SMIM36: variants seen among roughly 807,000 people sequenced by gnomAD.
SMIM36 encodes the protein small integral membrane protein 36.
intron 3 of SMIM36, among the ~76,000 whole-genome samples, chr17:55,469,595 T>C (rs1325174089): frequency 6.6e-6 from 1 of 152,150 alleles, no homozygotes; most frequent in Non-Finnish European, 1.5e-5. Flanking sequence ...TGTACAATAA[T>C]AGAGAAGAGA....
At chr17:55,471,139 C>T (rs868818445) in intron 3 of SMIM36, among the ~76,000 whole-genome samples, 4 of 152,220 alleles carry the variant, frequency 2.6e-5, no homozygotes, top group South Asian at 2.1e-4. Context: ...AGCCTCTTTT[C>T]GCCTTTACTT....
intron 1 of SMIM36, among the ~76,000 whole-genome samples, chr17:55,505,807 G>T (rs1322689452): frequency 1.7e-5 from 2 of 121,040 alleles, no homozygotes; most frequent in Admixed American, 8.2e-5. Flanking sequence ...CAGATGACAT[G>T]ATTGTATATC....
At chr17:55,496,819 A>C (rs1909815857) in intron 1 of SMIM36, among the ~76,000 whole-genome samples, 1 of 152,176 alleles carries the variant, frequency 6.6e-6, no homozygotes, top group Non-Finnish European at 1.5e-5. Flanking sequence ...GGGCAGCTAT[A>C]AAGTTATAGT....
At chr17:55,467,691 C>G (rs762427971) in intron 3 of SMIM36, among the ~76,000 whole-genome samples, 1 of 152,168 alleles carries the variant, frequency 6.6e-6, no homozygotes, top group Non-Finnish European at 1.5e-5. Context: ...CCACCGCACT[C>G]GGCCAACCAT....
intron 4 of SMIM36, among the ~76,000 whole-genome samples, chr17:55,465,955 G>C (rs1393493735): frequency 6.6e-6 from 1 of 152,098 alleles, no homozygotes; most frequent in African/African-American, 2.4e-5. Flanking sequence ...CAGTAGGGAA[G>C]TGCTTTGAGC....
intron 1 of SMIM36, among the ~76,000 whole-genome samples, chr17:55,496,714 T>C (rs1553676): frequency 0.66 from 99,862 of 151,898 alleles, 33,527 homozygotes; most frequent in African/African-American, 0.78. Context: ...TTATTTTGCA[T>C]TCCCCAAAAG....
intron 3 of SMIM36, among the ~76,000 whole-genome samples, chr17:55,474,988 C>T (rs1040559541): frequency 6.6e-6 from 1 of 152,110 alleles, no homozygotes; most frequent in Non-Finnish European, 1.5e-5. Flanking sequence ...ACAGGGTAAA[C>T]TGTAAGCCAG....
chr17:55,469,107 C>T (rs905609786), intron 3 of SMIM36, among the ~76,000 whole-genome samples: 25 of 125,910 alleles, frequency 2.0e-4, no homozygotes, highest in African/African-American at 6.4e-4. Context: ...TCCTTTTCTA[C>T]AGACAAATCT....
intron 3 of SMIM36, among the ~76,000 whole-genome samples, chr17:55,474,244 C>T (rs1287375825): frequency 6.6e-6 from 1 of 152,138 alleles, no homozygotes; most frequent in Non-Finnish European, 1.5e-5. Flanking sequence ...TTTCTTGGTT[C>T]CCTGATTGGG....
At chr17:55,526,618 T>C in the SMIM36 span, among the ~76,000 whole-genome samples, 2 of 152,258 alleles carry the variant, frequency 1.3e-5, no homozygotes, top group Non-Finnish European at 2.9e-5. Flanking sequence ...CTAAGATTTA[T>C]GGTCCAATTT....
At chr17:55,469,136 C>T (rs577672701) in intron 3 of SMIM36, among the ~76,000 whole-genome samples, 47 of 152,206 alleles carry the variant, frequency 3.1e-4, no homozygotes, top group African/African-American at 1.1e-3. Context: ...CCCTCCTCCC[C>T]AGGCTGCTCC....
At chr17:55,452,535 A>G (rs1908939061) in intron 4 of SMIM36, among the ~76,000 whole-genome samples, 1 of 152,156 alleles carries the variant, frequency 6.6e-6, no homozygotes, top group African/African-American at 2.4e-5. Flanking sequence ...CAGCTTCTCA[A>G]GGGGAGTTTG....
Position 55,456,586 on chromosome 17 carries a change from G to A in SMIM36, c.*532-6288C>T, listed in dbSNP as rs148842530. ...AGAAAGCCCTGAGCCCTAATTTTCC[G>A]CAAATTAATTTAGAGATATGGGCAT... On this transcript the variant is annotated intron_variant, in intron 4 of 4. Transcript: ENST00000636752. 1.7e-4 allele frequency among the ~76,000 whole-genome samples: 26 copies of A among 152,198 alleles called. No individual in the cohort carries two copies. The South Asian group carries it at 2.7e-3, about 16-fold the overall frequency.
chr17:55,497,449 A>C (rs1346456198), intron 1 of SMIM36, among the ~76,000 whole-genome samples: 1 of 152,110 alleles, frequency 6.6e-6, no homozygotes, highest in Non-Finnish European at 1.5e-5. Flanking sequence ...TATTTTTAGT[A>C]GAGATGGGGT....
At chr17:55,470,001 AC>A (rs1567864426) in intron 3 of SMIM36, among the ~76,000 whole-genome samples, 2 of 151,782 alleles carry the variant, frequency 1.3e-5, no homozygotes, top group Non-Finnish European at 2.9e-5. Flanking sequence ...ACAAAAAAAA[AC>A]CACAACTTCA....
intron 1 of SMIM36, among the ~76,000 whole-genome samples, chr17:55,481,301 G>A (rs1255991596): frequency 1.3e-5 from 2 of 152,158 alleles, no homozygotes; most frequent in African/African-American, 2.4e-5. Context: ...AATAGGTTCA[G>A]CAAACAGACA....
intron 4 of SMIM36, among the ~76,000 whole-genome samples, chr17:55,453,533 A>G (rs945487964): frequency 6.6e-6 from 1 of 152,208 alleles, no homozygotes; most frequent in Non-Finnish European, 1.5e-5. Flanking sequence ...TGTTTTTAAA[A>G]ATAATAGTGT....
the SMIM36 span, among the ~76,000 whole-genome samples, chr17:55,520,110 T>C: frequency 1.3e-5 from 2 of 152,184 alleles, no homozygotes; most frequent in Admixed American, 1.3e-4. Flanking sequence ...GGTATTGTGG[T>C]CGTATCACTC....
At chr17:55,529,609 T>TAC in the SMIM36 span, among the ~76,000 whole-genome samples, 15,164 of 142,892 alleles carry the variant, frequency 0.11, 771 homozygotes, top group South Asian at 0.15. Flanking sequence ...CTACTAAAAA[T>TAC]ACACACACAC....
Sources: gnomAD v4.1 joint callset for allele counts (sites outside exome capture counted in the v4.1 genomes callset) on GRCh38, gnomAD v4.1.1 for gene constraint, MANE v1.5 for transcripts, NCBI Gene and HGNC (gene_info 2026-07-23, HGNC 2026-07-21) for gene names.